The following ARHGEF38 variants were observed in gnomAD, a reference collection of about 807,000 sequenced individuals.
ARHGEF38 encodes Rho guanine nucleotide exchange factor (GEF) 38.
ARHGEF38 carries 79 observed loss-of-function variants against 79.9 expected under a neutral mutation model. That is an observed-to-expected ratio of 0.99 (90% CI 0.82 to 1.19). The LOEUF (loss-of-function observed/expected upper bound fraction) is 1.19. ARHGEF38 is among the 50% of genes most tolerant of loss of function. The probability of loss-of-function intolerance (pLI) is 0.00; values close to 1 mark genes in which losing one functional copy is unlikely to be tolerated. For missense variants in ARHGEF38, 962 were observed against 907.2 expected, an observed-to-expected ratio of 1.06 and a Z score of -0.78; for synonymous variants, 366 against 328.3, an observed-to-expected ratio of 1.11 and a Z score of -1.24.
chr4:105,630,907 T>C lies in ARHGEF38; in HGVS notation c.518T>C (p.Phe173Ser). Residue 173 changes from phenylalanine to serine, a missense_variant, in exon 4 of 14, where the codon TTC becomes TCC. Transcript: ENST00000420470. ...GTTTTGCATTTATCAGGAGAAGTAT[T>C]CTTGCAGATTAAAGGGCCACTGGAA... ...EPAMQVIGEV[F>S]LQIKGPLEDI... The C allele has an allele frequency of 6.2e-7, 1 of 1,608,776 alleles. No individual in the cohort carries two copies. The highest frequency in any genetic ancestry group is 8.5e-7 in the Non-Finnish European group (1 of 1,178,512).
chr4:105,577,332 A>G (rs1726554609), intron 1 of ARHGEF38, among the ~76,000 whole-genome samples: 1 of 138,002 alleles, frequency 7.2e-6, no homozygotes. Flanking sequence ...ATTCCCACCT[A>G]TGAGTGAGAA....
downstream of ARHGEF38, among the ~76,000 whole-genome samples, chr4:105,681,128 G>T (rs1421584361): frequency 6.6e-6 from 1 of 151,942 alleles, no homozygotes; most frequent in African/African-American, 2.4e-5. Flanking sequence ...GTCTCTGTAG[G>T]ATTGAGATAA....
Position 105,666,326 on chromosome 4 carries a change from T to A in ARHGEF38, c.1689+6T>A, listed in dbSNP as rs943767319. 2.6e-6 allele frequency: 4 copies of A among 1,515,756 alleles called. No homozygotes were observed. The Admixed American group carries it at 6.5e-5, about 25-fold the overall frequency. 93.9% of individuals were successfully genotyped at this position (1,515,756 alleles called of 1,614,324 possible). A position where few individuals can be genotyped will look rare whatever the true frequency, so the allele number is the denominator to read the frequency against. ...AGAAACCTGTGCAGATTCTGGTGAGTTTGGCAGCATTCATGACAATGATAA... is the reference window on the plus strand; with the variant it reads ...AGAAACCTGTGCAGATTCTGGTGAGATTGGCAGCATTCATGACAATGATAA... On this transcript the variant is annotated splice_donor_region_variant and intron_variant, in intron 11 of 13. Transcript: ENST00000420470.
rs1163338378 is a variant in ARHGEF38, at chr4:105,561,449, G to GGAATAGAATA, written c.196+8572_196+8581dup. 27 of 45,580 alleles carry GGAATAGAATA rather than the reference G, an allele frequency of 5.9e-4. 2 individuals carry two copies. The highest frequency in any genetic ancestry group is 2.8e-3 in the East Asian group (5 of 1,776). The allele number at this position is 45,580 out of a possible 1,614,324, so 2.8% of individuals were successfully genotyped here. The stretch of plus-strand genomic sequence containing the variant: ...GGAATAGAATAGAATAGAATAGAAT[G>GGAATAGAATA]GAATAGAATAGAATAGAATAGAATA... On this transcript the variant is annotated intron_variant, in intron 1 of 13. Coordinates refer to ENST00000420470, the MANE Select transcript of ARHGEF38 (RefSeq NM_001242729.2).
chr4:105,592,179 C>A (rs1288252041), intron 2 of ARHGEF38, among the ~76,000 whole-genome samples: 7 of 152,098 alleles, frequency 4.6e-5, no homozygotes, highest in African/African-American at 1.7e-4. Flanking sequence ...ATTCTGACAT[C>A]TTTTTTAGGT....
chr4:105,613,302 T>C, intron 2 of ARHGEF38, 82 bp from the exon 3 acceptor site: 1 of 1,455,848 alleles, frequency 6.9e-7, no homozygotes, highest in Admixed American at 2.0e-5. Context: ...TGCGCTGGCA[T>C]TTAAAATGCT....
intron 1 of ARHGEF38, among the ~76,000 whole-genome samples, chr4:105,557,320 A>G (rs1374115613): frequency 6.6e-6 from 1 of 152,006 alleles, no homozygotes; most frequent in Non-Finnish European, 1.5e-5. Flanking sequence ...CTTTTTTGCA[A>G]TGATTAGACT....
chr4:105,632,145 T>C (rs1003738475), intron 4 of ARHGEF38, among the ~76,000 whole-genome samples: 2 of 152,172 alleles, frequency 1.3e-5, no homozygotes, highest in East Asian at 3.8e-4. Context: ...GGTCTGAAAG[T>C]GAGTTTAAAA....
intron 5 of ARHGEF38, among the ~76,000 whole-genome samples, chr4:105,643,376 C>T (rs540979519): frequency 1.3e-5 from 2 of 152,122 alleles, no homozygotes; most frequent in African/African-American, 4.8e-5. Flanking sequence ...GAAGATACAG[C>T]CTATTAAAGC....
chr4:105,598,931 CTG>C (rs1727704014), intron 2 of ARHGEF38, among the ~76,000 whole-genome samples: 3 of 152,156 alleles, frequency 2.0e-5, no homozygotes, highest in Admixed American at 2.0e-4. Context: ...CACAATGTGA[CTG>C]TGTTAATACA....
chr4:105,675,447 T>G (rs142094063), intron 13 of ARHGEF38, among the ~76,000 whole-genome samples: 1 of 152,228 alleles, frequency 6.6e-6, no homozygotes, highest in African/African-American at 2.4e-5. Context: ...AAAAAAATTA[T>G]GTAATAATTT....
At chr4:105,578,732 C>T (rs769783623) in intron 1 of ARHGEF38, among the ~76,000 whole-genome samples, 3 of 152,072 alleles carry the variant, frequency 2.0e-5, no homozygotes, top group Non-Finnish European at 4.4e-5. Flanking sequence ...TTCCTGTTCG[C>T]TTTGGTTTCC....
At chr4:105,585,655 A>G (rs1260904113) in intron 1 of ARHGEF38, among the ~76,000 whole-genome samples, 8 of 148,454 alleles carry the variant, frequency 5.4e-5, no homozygotes, top group Admixed American at 5.4e-4. Flanking sequence ...GTATTTTATT[A>G]TATGCAAACT....
At chr4:105,589,794 G>T (rs1228839848) in intron 2 of ARHGEF38, among the ~76,000 whole-genome samples, 1 of 152,134 alleles carries the variant, frequency 6.6e-6, no homozygotes, top group Non-Finnish European at 1.5e-5. Context: ...CACTTTGGGA[G>T]GCTGAGGTGG....
chr4:105,666,093 C>T (rs1730738720), intron 10 of ARHGEF38, 84 bp from the exon 11 acceptor site: 1 of 1,256,372 alleles, frequency 8.0e-7, no homozygotes, highest in Admixed American at 3.3e-5. Flanking sequence ...ACCTCCTCAA[C>T]TGTTCATCAC....
chr4:105,628,576 T>C (rs1276530983), intron 3 of ARHGEF38, among the ~76,000 whole-genome samples: 1 of 152,186 alleles, frequency 6.6e-6, no homozygotes, highest in African/African-American at 2.4e-5. Flanking sequence ...ATGAACTCTA[T>C]AGGATATCAG....
At chr4:105,554,357 T>G (rs1725154768) in intron 1 of ARHGEF38, among the ~76,000 whole-genome samples, 1 of 152,128 alleles carries the variant, frequency 6.6e-6, no homozygotes, top group African/African-American at 2.4e-5. Flanking sequence ...CCTCTGTCCG[T>G]TTCTCGCCAC....
rs182568411 is a variant in ARHGEF38 at position 105,645,435 on chromosome 4, T to C, written c.874+48T>C. ...GGTTGTTTTCCATTATTGGAGTGTT[T>C]GCTTTATGTTTCTGAGAATCAGAAT... is the stretch of plus-strand genomic sequence containing the variant. On this transcript the variant is annotated intron_variant, in intron 6 of 13. Coordinates refer to ENST00000420470, the MANE Select transcript of ARHGEF38 (RefSeq NM_001242729.2). 8 of 1,400,722 alleles carry C rather than the reference T, an allele frequency of 5.7e-6. No homozygotes were observed. The East Asian group carries it at 1.0e-4, about 18-fold the overall frequency. 86.8% of individuals were successfully genotyped at this position (1,400,722 alleles called of 1,614,324 possible).
intron 1 of ARHGEF38, among the ~76,000 whole-genome samples, chr4:105,572,245 T>A (rs528495509): frequency 6.6e-6 from 1 of 152,204 alleles, no homozygotes; most frequent in Non-Finnish European, 1.5e-5. Context: ...ACTCTTCTTT[T>A]TTTTCCAATG....
Sources: allele counts gnomAD v4.1 joint callset (sites outside exome capture counted in the v4.1 genomes callset), GRCh38; gene constraint gnomAD v4.1.1; transcripts MANE v1.5; gene names NCBI Gene and HGNC (gene_info 2026-07-23, HGNC 2026-07-21).